Variants in ASB13 observed in about 807,000 individuals in gnomAD.
ASB13 encodes the protein ankyrin repeat and SOCS box containing 13, also known as ankyrin repeat and SOCS box protein 13.
Under a neutral mutation model 28.8 loss-of-function variants are expected in ASB13, and 33 were observed. The ratio of observed to expected loss-of-function variants is 1.15; its 90% CI spans 0.87 to 1.53. ASB13 has a LOEUF of 1.53. Among genes scored for constraint, ASB13 ranks in the 40% most tolerant of loss-of-function variants. ASB13 has a pLI of 0.00. For missense variants in ASB13, 414 were observed against 390.1 expected (o/e 1.06, Z -0.52); for synonymous variants, 182 against 172.9 (o/e 1.05, Z -0.41).
At position 5,649,022 on chromosome 10, in the gene ASB13, G is replaced by T; in HGVS notation, c.465C>A (p.His155Gln). ...AHDCHFGTPL[H>Q]VACAREHLDC... is the part of the protein sequence containing the mutation. ...CCAGATGCTCCCGGGCACAGGCAAC[G>T]TGCAGAGGGGTCCCAAAATGGCAAT... is the stretch of plus-strand genomic sequence containing the variant. Residue 155 changes from histidine to glutamine, a missense_variant, in exon 4 of 6, where the codon CAC becomes CAA. Coordinates refer to ENST00000357700, the MANE Select transcript of ASB13 (RefSeq NM_024701.4). The surrounding 1 kb of genome is among the most constrained non-coding windows in gnomAD (Gnocchi z 6.4). The T allele has an allele frequency of 6.2e-7, 1 of 1,614,264 alleles. No individual in the cohort carries two copies. Among genetic ancestry groups the T allele is most frequent in the South Asian group, 1.1e-5 (1 of 91,090 alleles).
At chr10:5,647,313 A>G (rs1834900144) in intron 4 of ASB13, among the ~76,000 whole-genome samples, 1 of 152,210 alleles carries the variant, frequency 6.6e-6, no homozygotes, top group Non-Finnish European at 1.5e-5. Flanking sequence ...GGATAAGATG[A>G]TGAAACTAAA....
rs1835148292 is a variant in ASB13 at position 5,660,877 on chromosome 10, C to T, written c.43+5632G>A. Among the ~76,000 whole-genome samples the T allele has an allele frequency of 6.6e-6, 1 of 152,202 alleles. No individual in the cohort carries two copies. The highest frequency in any genetic ancestry group is 2.4e-5 in the African/African-American group (1 of 41,436). ...GAGACCAGAGCCCCTCCATCGCTCCCTGCCTTGCAAGCCACCCAGCAGTGT... is the reference window on the plus strand; with the variant it reads ...GAGACCAGAGCCCCTCCATCGCTCCTTGCCTTGCAAGCCACCCAGCAGTGT... On this transcript the variant is annotated intron_variant, in intron 1 of 5. Transcript: ENST00000357700. The surrounding 1 kb of genome is among the most constrained non-coding windows in gnomAD (Gnocchi z 6.1).
rs1224432877 is a variant in ASB13 at position 5,658,922 on chromosome 10, G to T, written c.44-5872C>A. On this transcript the variant is annotated intron_variant, in intron 1 of 5. Transcript: ENST00000357700. This position sits in a 1 kb window ranked among gnomAD's most constrained non-coding sequence, Gnocchi z 4.2. ...CCCCAAACCACCGATGGCCCTTCCA[G>T]GGGGCGAAGAGACCCACTCTCTTCA... Among the ~76,000 whole-genome samples the T allele has an allele frequency of 6.6e-6, 1 of 152,096 alleles. No individual in the cohort carries two copies. Among genetic ancestry groups the T allele is most frequent in the Non-Finnish European group, 1.5e-5 (1 of 68,006 alleles).
At chr10:5,665,198 G>A (rs1473347208) in intron 1 of ASB13, among the ~76,000 whole-genome samples, 1 of 152,180 alleles carries the variant, frequency 6.6e-6, no homozygotes, top group Non-Finnish European at 1.5e-5. Context: ...CACACATCCA[G>A]AATTTGAGGT....
At chr10:5,640,909 G>A (rs1306635597) in intron 5 of ASB13, 79 bp from the exon 6 acceptor site, 1 of 1,556,966 alleles carries the variant, frequency 6.4e-7, no homozygotes, top group African/African-American at 1.4e-5. Context: ...CAAACTCAGA[G>A]GGAATCGGAA....
chr10:5,662,162 G>A (rs1347156069), intron 1 of ASB13, among the ~76,000 whole-genome samples: 2 of 152,020 alleles, frequency 1.3e-5, no homozygotes, highest in African/African-American at 4.8e-5. Context: ...GCCCCCCAGG[G>A]TCCCAGAAAG....
At chr10:5,653,914 T>C (rs1009021960) in intron 1 of ASB13, among the ~76,000 whole-genome samples, 2 of 152,104 alleles carry the variant, frequency 1.3e-5, no homozygotes, top group Non-Finnish European at 2.9e-5. Flanking sequence ...ACTCCTGACC[T>C]CAGGTGATCC....
chr10:5,657,363 G>A (rs1157531618), intron 1 of ASB13, among the ~76,000 whole-genome samples: 2 of 151,830 alleles, frequency 1.3e-5, no homozygotes, highest in Non-Finnish European at 2.9e-5. Context: ...TTTAAAAATG[G>A]GCAAACGAGT....
In ASB13 at chr10:5,649,159, A is replaced by G; in HGVS notation, c.383-55T>C. On this transcript the variant is annotated intron_variant, in intron 3 of 5. Coordinates refer to ENST00000357700, the MANE Select transcript of ASB13 (RefSeq NM_024701.4). This position sits in a 1 kb window ranked among gnomAD's most constrained non-coding sequence, Gnocchi z 6.4. ...TCCTTGAATACGGACACTGGAGACA[A>G]CAAGCACACAGACGCGGCAGGGGCA... The G allele has an allele frequency of 6.2e-7, 1 of 1,608,102 alleles. No homozygotes were observed. Among genetic ancestry groups the G allele is most frequent in the Non-Finnish European group, 8.5e-7 (1 of 1,177,182 alleles).
rs1461221460 is a variant in ASB13, at chr10:5,658,436, A to G, written c.44-5386T>C. ...ACTTTGTCTGAAAAAAAAAAAAAAA[A>G]CAAAACCAAATAAGCCATTTCTGAA... is the stretch of plus-strand genomic sequence containing the variant. On this transcript the variant is annotated intron_variant, in intron 1 of 5. Coordinates refer to ENST00000357700, the MANE Select transcript of ASB13 (RefSeq NM_024701.4). This position sits in a 1 kb window ranked among gnomAD's most constrained non-coding sequence, Gnocchi z 4.2. 6.6e-6 allele frequency among the ~76,000 whole-genome samples: 1 copy of G among 151,146 alleles called. No homozygotes were observed. Among genetic ancestry groups the G allele is most frequent in the Non-Finnish European group, 1.5e-5 (1 of 67,814 alleles).
rs889310527 is a variant in ASB13 at position 5,656,358 on chromosome 10, T to C, written c.44-3308A>G. Among the ~76,000 whole-genome samples, 6 of 152,112 alleles carry C rather than the reference T, an allele frequency of 3.9e-5. No individual in the cohort carries two copies. The highest frequency in any genetic ancestry group is 1.4e-4 in the African/African-American group (6 of 41,400). On this transcript the variant is annotated intron_variant, in intron 1 of 5. Transcript: ENST00000357700. The surrounding 1 kb of genome is among the most constrained non-coding windows in gnomAD (Gnocchi z 4.3). ...TTTGAGACCAGCCTGGCCAACATGG[T>C]GAAACCCCATCTCTACTAAAAATAC...
chr10:5,662,994 C>G (rs921512457), intron 1 of ASB13, among the ~76,000 whole-genome samples: 1 of 152,154 alleles, frequency 6.6e-6, no homozygotes, highest in Non-Finnish European at 1.5e-5. Flanking sequence ...AGTCTGGGCT[C>G]AGTGTTTTGT....
chr10:5,646,679 T>C (rs1210147427), intron 4 of ASB13, among the ~76,000 whole-genome samples: 2 of 152,236 alleles, frequency 1.3e-5, no homozygotes, highest in African/African-American at 2.4e-5. Flanking sequence ...CCAGTGGAAG[T>C]GGCTTCCTGT....
intron 4 of ASB13, among the ~76,000 whole-genome samples, chr10:5,648,280 T>C (rs557659820): frequency 0.025 from 810 of 32,704 alleles, no homozygotes; most frequent in South Asian, 0.046. Context: ...AACACCCACG[T>C]GGGCAAACAC....
In ASB13 at chr10:5,652,791, T is replaced by C; in HGVS notation, c.231+72A>G. ...CCCCCATCCTCCCCTCTTTCCCAAG[T>C]TCTCCTGAGTCAACCTCCTCCATTC... On this transcript the variant is annotated intron_variant, in intron 2 of 5. Transcript: ENST00000357700. This position sits in a 1 kb window ranked among gnomAD's most constrained non-coding sequence, Gnocchi z 5.0. 7.0e-7 allele frequency: 1 copy of C among 1,421,750 alleles called. No homozygotes were observed. Among genetic ancestry groups the C allele is most frequent in the Non-Finnish European group, 9.3e-7 (1 of 1,077,474 alleles). The allele number at this position is 1,421,750 out of a possible 1,614,324, so 88.1% of individuals were successfully genotyped here.
chr10:5,645,451 C>T lies in ASB13; in HGVS notation c.518-3490G>A, dbSNP rs1834870493. Among the ~76,000 whole-genome samples the T allele has an allele frequency of 2.0e-5, 3 of 152,106 alleles. No homozygotes were observed. The highest frequency in any genetic ancestry group is 6.5e-5 in the Admixed American group (1 of 15,268). ...TTAAAAATTACTTCACCATCATAAC[C>T]GGACTTTCACCCTCCCCAGCCCTCC... On this transcript the variant is annotated intron_variant, in intron 4 of 5. Coordinates refer to ENST00000357700, the MANE Select transcript of ASB13 (RefSeq NM_024701.4). This position sits in a 1 kb window ranked among gnomAD's most constrained non-coding sequence, Gnocchi z 5.4.
Position 5,661,497 on chromosome 10 carries a change from GTTTA to G in ASB13, c.43+5008_43+5011del, listed in dbSNP as rs1487579717. Among the ~76,000 whole-genome samples the G allele has an allele frequency of 6.6e-6, 1 of 152,066 alleles. No homozygotes were observed. Among genetic ancestry groups the G allele is most frequent in the Non-Finnish European group, 1.5e-5 (1 of 68,002 alleles). ...TTTTTTCCTATTTTGTTTTCTTATT[GTTTA>G]TTTATTTATTTTTGAAACAGGGTCT... On this transcript the variant is annotated intron_variant, in intron 1 of 5. Transcript: ENST00000357700. This position sits in a 1 kb window ranked among gnomAD's most constrained non-coding sequence, Gnocchi z 4.9.
chr10:5,639,135 C>T lies in ASB13; in HGVS notation c.*1568G>A, dbSNP rs2131437793. 1 of 152,730 alleles carries T rather than the reference C, an allele frequency of 6.5e-6. No individual in the cohort carries two copies. Among genetic ancestry groups the T allele is most frequent in the East Asian group, 1.9e-4 (1 of 5,180 alleles). The allele number at this position is 152,730 out of a possible 1,614,324, so 9.5% of individuals were successfully genotyped here. On this transcript the variant is annotated 3_prime_UTR_variant, in exon 6 of 6. Transcript: ENST00000357700. The stretch of plus-strand genomic sequence containing the variant: ...AGACCCGCCATGACAATGGCGGGAA[C>T]GCTGGAGTAAAACCTCACGGCGGCC...
Position 5,652,896 on chromosome 10 carries a change from C to T in ASB13, c.198G>A (p.Arg66=). 1 of 1,579,134 alleles carries T rather than the reference C, an allele frequency of 6.3e-7. No individual in the cohort carries two copies. Among genetic ancestry groups the T allele is most frequent in the Non-Finnish European group, 8.6e-7 (1 of 1,163,338 alleles). Residue 66 remains arginine (R), a synonymous_variant, in exon 2 of 6, where the codon CGG becomes CGA. Transcript: ENST00000357700. The surrounding 1 kb of genome is among the most constrained non-coding windows in gnomAD (Gnocchi z 5.0). ...LHAASLQGQA[R]CVQLLLAAGA... is the part of the protein sequence containing the mutation. ...CAGCCGCCAGCAGCAGCTGCACACACCGCGCCTGGCCCTGCAGACTGGCTG... is the reference window on the plus strand; with the variant it reads ...CAGCCGCCAGCAGCAGCTGCACACATCGCGCCTGGCCCTGCAGACTGGCTG...
Sources: allele counts gnomAD v4.1 joint callset (sites outside exome capture counted in the v4.1 genomes callset), GRCh38; gene constraint gnomAD v4.1.1; non-coding constraint Gnocchi (gnomAD v3.1); transcripts MANE v1.5; gene names NCBI Gene and HGNC (gene_info 2026-07-23, HGNC 2026-07-21).